The following CDH13 variants were observed in gnomAD, a reference collection of about 807,000 sequenced individuals.
The protein encoded by CDH13 is cadherin-13.
A neutral mutation model predicts 63.8 loss-of-function variants in CDH13; 24 were observed. The observed-to-expected ratio is 0.38, with a 90% CI of 0.27 to 0.53. The LOEUF is 0.53. Among genes scored for constraint, CDH13 ranks in the 20% least tolerant of loss-of-function variants. CDH13 has a pLI of 0.85. For synonymous variants in CDH13, 503 were observed against 355.3 expected (o/e 1.42, Z -4.67); for missense variants, 1,049 against 903.1 (o/e 1.16, Z -2.07).
chr16:82,677,439 C>G (rs1255164347), intron 1 of CDH13, among the ~76,000 whole-genome samples: 7 of 124,376 alleles, frequency 5.6e-5, no homozygotes, highest in African/African-American at 1.8e-4. Flanking sequence ...GGAAAGGACT[C>G]TTCTGCCTTT....
chr16:83,759,805 G>A (rs189944511), intron 11 of CDH13, among the ~76,000 whole-genome samples: 157 of 152,102 alleles, frequency 1.0e-3, no homozygotes, highest in Non-Finnish European at 1.7e-3. Flanking sequence ...GCACACACCT[G>A]TGGTCCCAGC....
chr16:83,363,878 A>C (rs2091209587), intron 6 of CDH13, among the ~76,000 whole-genome samples: 1 of 152,178 alleles, frequency 6.6e-6, no homozygotes, highest in African/African-American at 2.4e-5. Flanking sequence ...TGAATATCAG[A>C]GAGGGTCACA....
chr16:83,080,510 ACTAT>A (rs1206884758), intron 3 of CDH13, among the ~76,000 whole-genome samples: 5 of 152,162 alleles, frequency 3.3e-5, no homozygotes, highest in Non-Finnish European at 7.3e-5. Flanking sequence ...ATGCACTGTG[ACTAT>A]CTAATGCAAT....
chr16:83,471,607 CTG>C (rs924752793), intron 6 of CDH13, among the ~76,000 whole-genome samples: 6 of 152,194 alleles, frequency 3.9e-5, no homozygotes, highest in African/African-American at 1.4e-4. Context: ...GCCTTTGTAA[CTG>C]TGAAGCGACT....
chr16:83,679,605 G>C (rs935024409), intron 10 of CDH13, among the ~76,000 whole-genome samples: 3 of 152,198 alleles, frequency 2.0e-5, no homozygotes, highest in Non-Finnish European at 2.9e-5. Context: ...CTATAATAAT[G>C]TGAATCTGAA....
chr16:82,971,202 C>T (rs779854313), intron 2 of CDH13, among the ~76,000 whole-genome samples: 9 of 152,198 alleles, frequency 5.9e-5, no homozygotes, highest in Non-Finnish European at 1.2e-4. Flanking sequence ...AACTGGCTTC[C>T]ATAACTCACC....
intron 1 of CDH13, among the ~76,000 whole-genome samples, chr16:82,657,249 T>G (rs1464092313): frequency 6.6e-6 from 1 of 152,166 alleles, no homozygotes; most frequent in African/African-American, 2.4e-5. Context: ...CAACAATTGC[T>G]CCATAAAATG....
intron 8 of CDH13, 145 bp downstream of exon 8, chr16:83,602,739 G>T (rs1258086861): frequency 2.3e-6 from 2 of 861,784 alleles, no homozygotes; most frequent in Non-Finnish European, 3.7e-6. Flanking sequence ...TGTTTTGCTG[G>T]AATTCTTTCT....
In CDH13 at chr16:83,670,822, A is replaced by G. The variant is rs184172925; in HGVS notation, c.1134A>G (p.Gly378=). 2.4e-4 allele frequency: 386 copies of G among 1,613,904 alleles called. 2 individuals are homozygous for G. The East Asian group carries it at 8.3e-3, about 35-fold the overall frequency. ...CCACAGTCGAGGAAGGAGCTGTGGGAGTTATTGTCAATTTGACAGTTGAAG... is the reference window on the plus strand; with the variant it reads ...CCACAGTCGAGGAAGGAGCTGTGGGGGTTATTGTCAATTTGACAGTTGAAG... ...FQATVEEGAV[G]VIVNLTVEDK... is the part of the protein sequence containing the mutation. The change falls in exon 9 of 14, where the codon GGA becomes GGG. Residue 378 remains glycine (G), a synonymous_variant. Transcript: ENST00000567109.
At position 83,795,071 on chromosome 16, in the gene CDH13, GC is replaced by G; in HGVS notation, c.*42del. 1 of 1,544,824 alleles carries G rather than the reference GC, an allele frequency of 6.5e-7. No individual in the cohort carries two copies. ...GAAGCTTGACTCCCAAGTTTCCATA[GC>G]AACAGGAAAAAAAAAAATCTATCCA... On this transcript the variant is annotated 3_prime_UTR_variant, in exon 14 of 14. Transcript: ENST00000567109.
intron 5 of CDH13, among the ~76,000 whole-genome samples, chr16:83,344,020 A>G (rs2090783302): frequency 6.6e-6 from 1 of 152,326 alleles, no homozygotes; most frequent in African/African-American, 2.4e-5. Flanking sequence ...CACAGATAGG[A>G]AAGAGTTGTA....
rs553161473 is a variant in CDH13, at chr16:83,792,138, A to G, written c.2135-2885A>G. On this transcript the variant is annotated intron_variant, in intron 13 of 13. Coordinates refer to ENST00000567109, the MANE Select transcript of CDH13 (RefSeq NM_001257.5). ...CGTATTATGGACAGACACGGCCTGC[A>G]AAGGCATTAAACCCAGGTAGAGTGG... Among the ~76,000 whole-genome samples, 11 of 152,342 alleles carry G rather than the reference A, an allele frequency of 7.2e-5. No individual in the cohort carries two copies. The South Asian group carries it at 2.3e-3, about 32-fold the overall frequency.
At chr16:83,058,739 C>T (rs148874080) in intron 3 of CDH13, among the ~76,000 whole-genome samples, 3 of 152,180 alleles carry the variant, frequency 2.0e-5, no homozygotes, top group Non-Finnish European at 4.4e-5. Flanking sequence ...AACTAGAAAG[C>T]TTTTGAAGTC....
intron 7 of CDH13, among the ~76,000 whole-genome samples, chr16:83,534,620 A>T (rs545699654): frequency 1.6e-4 from 25 of 152,316 alleles, no homozygotes; most frequent in Non-Finnish European, 5.9e-5. Context: ...GGTACGTCAT[A>T]GTGTTTACTG....
intron 13 of CDH13, among the ~76,000 whole-genome samples, chr16:83,783,903 G>T (rs1236398057): frequency 6.6e-6 from 1 of 152,208 alleles, no homozygotes; most frequent in Non-Finnish European, 1.5e-5. Context: ...ATTTATGGAT[G>T]GAGGGTGGGC....
At chr16:83,504,904 G>A (rs562930099) in intron 7 of CDH13, among the ~76,000 whole-genome samples, 4 of 152,264 alleles carry the variant, frequency 2.6e-5, no homozygotes, top group East Asian at 3.9e-4. Context: ...ACATGTCAAC[G>A]TAATTATTTT....
chr16:83,273,996 A>G (rs999264905), intron 5 of CDH13, among the ~76,000 whole-genome samples: 2 of 152,126 alleles, frequency 1.3e-5, no homozygotes, highest in Non-Finnish European at 2.9e-5. Context: ...CACATTGCTT[A>G]CACTTTCCAT....
intron 2 of CDH13, among the ~76,000 whole-genome samples, chr16:82,964,263 C>T (rs1351503147): frequency 6.6e-6 from 1 of 152,210 alleles, no homozygotes; most frequent in Non-Finnish European, 1.5e-5. Flanking sequence ...GCATTTTACT[C>T]TGTAATACAG....
chr16:82,705,658 T>C (rs952886151), intron 1 of CDH13, among the ~76,000 whole-genome samples: 1 of 152,174 alleles, frequency 6.6e-6, no homozygotes, highest in Non-Finnish European at 1.5e-5. Flanking sequence ...TTCTTGCCAG[T>C]ATTTCATTCA....
Sources: allele counts gnomAD v4.1 joint callset (sites outside exome capture counted in the v4.1 genomes callset), GRCh38; gene constraint gnomAD v4.1.1; transcripts MANE v1.5; gene names NCBI Gene and HGNC (gene_info 2026-07-23, HGNC 2026-07-21).